MRPS27: variants seen among roughly 807,000 people sequenced by gnomAD.
MRPS27 encodes the protein small ribosomal subunit protein mS27.
A neutral mutation model predicts 48.9 loss-of-function variants in MRPS27; 43 were observed. That is an observed-to-expected ratio of 0.88 (90% CI 0.69 to 1.13). MRPS27 has a LOEUF of 1.13. Ranked by LOEUF, MRPS27 falls within the 50% of genes most tolerant of loss-of-function variation. The pLI, the probability that MRPS27 is intolerant of heterozygous loss-of-function variation, is 0.00. For synonymous variants in MRPS27, 188 were observed against 171.9 expected, an observed-to-expected ratio of 1.09 and a Z score of -0.73; for missense variants, 467 against 476.3, an observed-to-expected ratio of 0.98 and a Z score of 0.18.
At position 72,262,899 on chromosome 5, in the gene MRPS27, G is replaced by C. The variant is rs567197711; in HGVS notation, c.282-24771C>G. Among the ~76,000 whole-genome samples the C allele has an allele frequency of 1.8e-4, 28 of 152,214 alleles. No homozygotes were observed. In the East Asian group the frequency reaches 5.0e-3, roughly 27 times the overall value. On this transcript the variant is annotated intron_variant, in intron 4 of 10. Coordinates refer to ENST00000261413, the MANE Select transcript of MRPS27 (RefSeq NM_015084.3). Reference sequence around the variant, plus strand: ...GATCTTCCCGCCTTGGCCTCCCAAAGTCCTGTGATTACAGGCATGTATCCC... The same window carrying C: ...GATCTTCCCGCCTTGGCCTCCCAAACTCCTGTGATTACAGGCATGTATCCC...
chr5:72,222,429 T>C (rs1359343386), intron 10 of MRPS27: 1 of 152,210 alleles, frequency 6.6e-6, no homozygotes, highest in Non-Finnish European at 1.5e-5. Flanking sequence ...AACATGTAGT[T>C]AGTAGTCAAT....
At chr5:72,247,819 T>G (rs1748546054) in intron 4 of MRPS27, among the ~76,000 whole-genome samples, 1 of 152,134 alleles carries the variant, frequency 6.6e-6, no homozygotes, top group African/African-American at 2.4e-5. Flanking sequence ...ATCTGGCAAT[T>G]CCTATAGCAG....
Position 72,242,665 on chromosome 5 carries a change from TACACACACACAC to T in MRPS27, c.282-4549_282-4538del, listed in dbSNP as rs57589095. On this transcript the variant is annotated intron_variant, in intron 4 of 10. Coordinates refer to ENST00000261413, the MANE Select transcript of MRPS27 (RefSeq NM_015084.3). ...CTAGGCAACACAGCGAGACCCCGTC[TACACACACACAC>T]ACACACACACACACACACACACACA... 7.9e-4 allele frequency among the ~76,000 whole-genome samples: 106 copies of T among 134,286 alleles called. 2 individuals carry two copies. Among genetic ancestry groups the T allele is most frequent in the Admixed American group, 1.8e-3 (25 of 13,624 alleles). 88.1% of individuals were successfully genotyped at this position (134,286 alleles called of 152,430 possible). A position where few individuals can be genotyped will look rare whatever the true frequency, so the allele number is the denominator to read the frequency against.
chr5:72,220,092 G>C lies in MRPS27; in HGVS notation c.*817C>G, dbSNP rs1747698464. 1 of 152,778 alleles carries C rather than the reference G, an allele frequency of 6.5e-6. No individual in the cohort carries two copies. The highest frequency in any genetic ancestry group is 6.5e-5 in the Admixed American group (1 of 15,290). 9.5% of individuals were successfully genotyped at this position (152,778 alleles called of 1,614,324 possible). On this transcript the variant is annotated 3_prime_UTR_variant, in exon 11 of 11. Coordinates refer to ENST00000261413, the MANE Select transcript of MRPS27 (RefSeq NM_015084.3). ...GAGATGTGGCAGAAAGGAGAATGTG[G>C]GAATGTGTGAGTATCCCACAGCCAG...
At position 72,238,044 on chromosome 5, in the gene MRPS27, T is replaced by C. The variant is rs370525451; in HGVS notation, c.366A>G (p.Gln122=). 4 of 1,613,360 alleles carry C rather than the reference T, an allele frequency of 2.5e-6. No homozygotes were observed. The highest frequency in any genetic ancestry group is 2.5e-6 in the Non-Finnish European group (3 of 1,179,584). The change falls in exon 5 of 11, where the codon CAA becomes CAG. Residue 122 remains glutamine (Q), a synonymous_variant. Transcript: ENST00000261413. ...WIRQCLKYDA[Q]DKALYTLVNK... ...TTACAAGGGTATATAGGGCTTTGTC[T>C]TGTGCATCATATTTTAGACACTGCC...
intron 4 of MRPS27, among the ~76,000 whole-genome samples, chr5:72,252,630 G>A (rs1337898154): frequency 3.3e-5 from 5 of 152,150 alleles, no homozygotes; most frequent in Non-Finnish European, 7.4e-5. Context: ...ACACACTTTT[G>A]GTTGTTGTTG....
chr5:72,254,827 G>A (rs1349249241), intron 4 of MRPS27, among the ~76,000 whole-genome samples: 1 of 151,982 alleles, frequency 6.6e-6, no homozygotes. Flanking sequence ...TTTGATTTGA[G>A]AGAATTCAGG....
intron 3 of MRPS27, among the ~76,000 whole-genome samples, chr5:72,295,998 A>C (rs1227501156): frequency 6.6e-6 from 1 of 152,206 alleles, no homozygotes; most frequent in Non-Finnish European, 1.5e-5. Context: ...GATGGCTAAA[A>C]AACTATTGCC....
At chr5:72,268,671 T>C (rs1394513489) in intron 4 of MRPS27, among the ~76,000 whole-genome samples, 2 of 152,234 alleles carry the variant, frequency 1.3e-5, no homozygotes, top group African/African-American at 2.4e-5. Context: ...ATTTTGGAAG[T>C]GTTTCCTCTT....
intron 2 of MRPS27, among the ~76,000 whole-genome samples, chr5:72,308,385 G>A (rs1750340250): frequency 6.6e-6 from 1 of 152,252 alleles, no homozygotes. Flanking sequence ...GGGGATGGGA[G>A]CGGCGAAAGC....
chr5:72,291,477 T>C (rs1749818388), intron 4 of MRPS27, among the ~76,000 whole-genome samples: 1 of 152,190 alleles, frequency 6.6e-6, no homozygotes, highest in Non-Finnish European at 1.5e-5. Flanking sequence ...TATTAATGCA[T>C]GAAATAACAC....
chr5:72,258,100 A>AG (rs986640457), intron 4 of MRPS27, among the ~76,000 whole-genome samples: 1 of 151,722 alleles, frequency 6.6e-6, no homozygotes, highest in African/African-American at 2.4e-5. Flanking sequence ...AAAAAAAAAA[A>AG]AAAGAATTGG....
intron 4 of MRPS27, among the ~76,000 whole-genome samples, chr5:72,266,113 A>G (rs1749102115): frequency 6.6e-6 from 1 of 152,152 alleles, no homozygotes; most frequent in Non-Finnish European, 1.5e-5. Context: ...TGGAGTAGAC[A>G]AAAAAATGAA....
At chr5:72,297,587 T>C (rs942776545) in intron 3 of MRPS27, 45 bp downstream of exon 3, 8 of 1,300,480 alleles carry the variant, frequency 6.2e-6, no homozygotes, top group African/African-American at 1.5e-5. Flanking sequence ...CCTTTCTGGC[T>C]TTCTTCCTTG....
chr5:72,303,568 C>T (rs186760263), intron 2 of MRPS27, among the ~76,000 whole-genome samples: 2 of 151,758 alleles, frequency 1.3e-5, no homozygotes, highest in Admixed American at 1.3e-4. Flanking sequence ...ATTTCAAAAA[C>T]GATGAATGAG....
intron 4 of MRPS27, among the ~76,000 whole-genome samples, chr5:72,283,794 A>C (rs555019465): frequency 2.2e-4 from 34 of 151,736 alleles, no homozygotes; most frequent in African/African-American, 8.0e-4. Context: ...TTCCAATTCA[A>C]TACTTCTATC....
chr5:72,243,719 C>T (rs1420512533), intron 4 of MRPS27, among the ~76,000 whole-genome samples: 1 of 152,142 alleles, frequency 6.6e-6, no homozygotes, highest in East Asian at 1.9e-4. Context: ...TGAATATTTC[C>T]AACGAATTCA....
chr5:72,320,029 C>A (rs1750708806), intron 1 of MRPS27, 120 bp downstream of exon 1: 1 of 1,029,696 alleles, frequency 9.7e-7, no homozygotes, highest in Non-Finnish European at 1.5e-6. Context: ...CTACCAAACA[C>A]CCCAAATGGC....
At chr5:72,255,388 A>T (rs1418847560) in intron 4 of MRPS27, among the ~76,000 whole-genome samples, 1 of 152,028 alleles carries the variant, frequency 6.6e-6, no homozygotes, top group African/African-American at 2.4e-5. Context: ...ATATAAACAA[A>T]TACATCTGAG....
Sources: gnomAD v4.1 joint callset for allele counts (sites outside exome capture counted in the v4.1 genomes callset) on GRCh38, gnomAD v4.1.1 for gene constraint, MANE v1.5 for transcripts, NCBI Gene and HGNC (gene_info 2026-07-23, HGNC 2026-07-21) for gene names.